CCDC141: variants seen among roughly 807,000 people sequenced by gnomAD.
CCDC141 encodes coiled-coil domain-containing protein 141.
In CCDC141, 168 loss-of-function variants were observed where a neutral mutation model predicts 181.0. The ratio of observed to expected loss-of-function variants is 0.93; its 90% CI spans 0.82 to 1.05. The LOEUF is 1.05. Ranked by LOEUF, CCDC141 falls within the 50% of genes least tolerant of loss-of-function variation. The probability of loss-of-function intolerance (pLI) is 0.00; values close to 1 mark genes in which losing one functional copy is unlikely to be tolerated. For synonymous variants in CCDC141, 666 were observed against 642.3 expected (o/e 1.04, Z -0.56); for missense variants, 1,902 against 1,788.5 (o/e 1.06, Z -1.14).
Position 178,837,597 on chromosome 2 carries a change from A to G in CCDC141, c.3622T>C (p.Cys1208Arg). Reference protein sequence around the residue: ...EDMLSGEEYECVSPDDISLPP... With the variant: ...EDMLSGEEYERVSPDDISLPP... The stretch of plus-strand genomic sequence containing the variant: ...AAGGAGATGTCATCAGGTGAGACAC[A>G]CTCATATTCTTCCCCTGAGAGCATG... The change falls in exon 23 of 24, where the codon TGT becomes CGT. Residue 1208 changes from cysteine to arginine, a missense_variant. Transcript: ENST00000443758. 1 of 1,613,818 alleles carries G rather than the reference A, an allele frequency of 6.2e-7. No individual in the cohort carries two copies. Among genetic ancestry groups the G allele is most frequent in the Admixed American group, 1.7e-5 (1 of 59,998 alleles).
At chr2:179,013,763 C>T (rs541535289) in intron 2 of CCDC141, among the ~76,000 whole-genome samples, 4 of 151,732 alleles carry the variant, frequency 2.6e-5, no homozygotes, top group South Asian at 4.2e-4. Context: ...GTCAGGAGAT[C>T]GAGACCATCC....
chr2:178,876,889 T>G (rs529027850), intron 12 of CCDC141: 1 of 152,260 alleles, frequency 6.6e-6, no homozygotes, highest in Admixed American at 6.5e-5. Flanking sequence ...GACACAGGTA[T>G]AATATGGGAG....
chr2:178,880,436 T>C (rs902494422), intron 11 of CCDC141, among the ~76,000 whole-genome samples: 1 of 151,952 alleles, frequency 6.6e-6, no homozygotes, highest in African/African-American at 2.4e-5. Flanking sequence ...AGGAGGCAAA[T>C]TGAGCAGGCA....
At chr2:178,955,144 G>A (rs1249700008) in intron 5 of CCDC141, among the ~76,000 whole-genome samples, 3 of 152,108 alleles carry the variant, frequency 2.0e-5, no homozygotes, top group African/African-American at 7.2e-5. Context: ...AATATAGCCG[G>A]CATGGTGGCG....
chr2:178,970,911 C>T (rs1292749821), intron 4 of CCDC141, among the ~76,000 whole-genome samples: 1 of 152,174 alleles, frequency 6.6e-6, no homozygotes, highest in East Asian at 1.9e-4. Flanking sequence ...ATAATTTAAA[C>T]AAATTTACAA....
chr2:178,900,523 T>A (rs1687634490), intron 8 of CCDC141, among the ~76,000 whole-genome samples: 1 of 152,072 alleles, frequency 6.6e-6, no homozygotes, highest in African/African-American at 2.4e-5. Context: ...TTTGTTTGTT[T>A]TTTGTAGTTG....
At chr2:178,861,422 G>A (rs1482536695) in intron 17 of CCDC141, among the ~76,000 whole-genome samples, 2 of 151,984 alleles carry the variant, frequency 1.3e-5, no homozygotes, top group Non-Finnish European at 2.9e-5. Context: ...GGTCACCAGA[G>A]GTCAGGAGTT....
At chr2:179,015,414 C>CATATATATCTCATATATGTGCCAT (rs200203893) in intron 2 of CCDC141, among the ~76,000 whole-genome samples, 5 of 105,034 alleles carry the variant, frequency 4.8e-5, no homozygotes, top group Admixed American at 1.2e-4. Flanking sequence ...ATATATGTAC[C>CATATATATCTCATATATGTGCCAT]ATATATCTCA....
At chr2:178,865,977 C>T in intron 16 of CCDC141, 61 bp from the exon 17 acceptor site, 1 of 1,258,386 alleles carries the variant, frequency 7.9e-7, no homozygotes, top group African/African-American at 1.5e-5. Context: ...GACGAGTAGG[C>T]TATTTACCTG....
intron 14 of CCDC141, among the ~76,000 whole-genome samples, chr2:178,870,698 A>C (rs1245237089): frequency 2.0e-5 from 3 of 152,198 alleles, no homozygotes; most frequent in African/African-American, 7.2e-5. Flanking sequence ...GGAATCTTCA[A>C]TATTCTGATT....
rs546884750 is a variant in CCDC141, at chr2:178,831,076, T to C, written c.*3097A>G. The C allele has an allele frequency of 2.3e-4, 35 of 152,290 alleles. No homozygotes were observed. The highest frequency in any genetic ancestry group is 7.9e-4 in the African/African-American group (33 of 41,560). 9.4% of individuals were successfully genotyped at this position (152,290 alleles called of 1,614,324 possible). A position where few individuals can be genotyped will look rare whatever the true frequency, so the allele number is the denominator to read the frequency against. ...CTATTTTAAGTATGTGTCTTGATTA[T>C]GAGTGATAGAGGTTACCATTATTGA... On this transcript the variant is annotated 3_prime_UTR_variant, in exon 24 of 24. Coordinates refer to ENST00000443758, the MANE Select transcript of CCDC141 (RefSeq NM_173648.4).
At chr2:179,020,129 T>C (rs2042653450) in intron 2 of CCDC141, among the ~76,000 whole-genome samples, 1 of 152,154 alleles carries the variant, frequency 6.6e-6, no homozygotes, top group African/African-American at 2.4e-5. Flanking sequence ...GTTATAACCG[T>C]CATGTAGAAT....
At chr2:179,008,677 A>C (rs1255774062) in intron 2 of CCDC141, among the ~76,000 whole-genome samples, 2 of 152,152 alleles carry the variant, frequency 1.3e-5, no homozygotes, top group African/African-American at 2.4e-5. Context: ...ACCACTCCAC[A>C]TATATATTCT....
intron 7 of CCDC141, among the ~76,000 whole-genome samples, chr2:178,912,646 G>A (rs1688269248): frequency 6.6e-6 from 1 of 152,072 alleles, no homozygotes; most frequent in African/African-American, 2.4e-5. Context: ...TGTTTCTTGT[G>A]GTGAGGTTTG....
chr2:178,914,869 G>A (rs1481901425), intron 7 of CCDC141, among the ~76,000 whole-genome samples: 2 of 152,048 alleles, frequency 1.3e-5, no homozygotes, highest in African/African-American at 2.4e-5. Flanking sequence ...ATCTAGAATT[G>A]TTAGAGAGGG....
chr2:178,842,357 C>G (rs372418805), intron 22 of CCDC141, among the ~76,000 whole-genome samples: 2 of 152,308 alleles, frequency 1.3e-5, no homozygotes, highest in African/African-American at 4.8e-5. Flanking sequence ...CTCTATATTC[C>G]TTGCCCCTCA....
rs187108610 is a variant in CCDC141 at position 178,970,495 on chromosome 2, A to T, written c.526+4562T>A. Among the ~76,000 whole-genome samples, 5 of 152,344 alleles carry T rather than the reference A, an allele frequency of 3.3e-5. No homozygotes were observed. The East Asian group carries it at 9.6e-4, about 29-fold the overall frequency. On this transcript the variant is annotated intron_variant, in intron 4 of 23. Transcript: ENST00000443758. ...ATCTACAACCATCTGATCTTTGACAAACCTGATACAAACATGCAATGGGGA... is the reference window on the plus strand; with the variant it reads ...ATCTACAACCATCTGATCTTTGACATACCTGATACAAACATGCAATGGGGA...
intron 2 of CCDC141, among the ~76,000 whole-genome samples, chr2:179,015,233 TATATATATCTC>T (rs1386731846): frequency 2.6e-5 from 3 of 113,334 alleles, no homozygotes; most frequent in Non-Finnish European, 5.5e-5. Flanking sequence ...ATATACCTCA[TATATATATCTC>T]ATATATATCT....
At chr2:178,866,624 A>G (rs1685864914) in intron 16 of CCDC141, among the ~76,000 whole-genome samples, 1 of 152,204 alleles carries the variant, frequency 6.6e-6, no homozygotes, top group South Asian at 2.1e-4. Flanking sequence ...TGTTATACCT[A>G]TTGTTAGAGT....
Sources: gnomAD v4.1 joint callset for allele counts (sites outside exome capture counted in the v4.1 genomes callset) on GRCh38, gnomAD v4.1.1 for gene constraint, MANE v1.5 for transcripts, NCBI Gene and HGNC (gene_info 2026-07-23, HGNC 2026-07-21) for gene names.